Variants in NEO1 observed in about 807,000 individuals in gnomAD.
NEO1 encodes the protein neogenin 1, also known as neogenin.
Under a neutral mutation model 159.7 loss-of-function variants are expected in NEO1, and 63 were observed. The observed-to-expected ratio is 0.39, with a 90% CI of 0.32 to 0.49. The LOEUF is 0.49. NEO1 is among the 20% of genes least tolerant of loss of function. NEO1 has a pLI of 0.85. For synonymous variants in NEO1, 633 were observed against 662.0 expected (o/e 0.96, Z 0.67); for missense variants, 1,615 against 1,831.0 (o/e 0.88, Z 2.15).
intron 8 of NEO1, among the ~76,000 whole-genome samples, chr15:73,237,107 T>A (rs1383552365): frequency 2.0e-5 from 3 of 151,756 alleles, no homozygotes; most frequent in Non-Finnish European, 4.4e-5. Flanking sequence ...GAAACCAGTC[T>A]AATCACTATA....
At chr15:73,245,875 C>A (rs866132143) in intron 9 of NEO1, among the ~76,000 whole-genome samples, 8 of 152,000 alleles carry the variant, frequency 5.3e-5, no homozygotes, top group Admixed American at 4.6e-4. Context: ...GCCATCGCAC[C>A]CGGCCACCTC....
intron 1 of NEO1, among the ~76,000 whole-genome samples, chr15:73,067,744 G>C (rs2068295993): frequency 6.6e-6 from 1 of 151,738 alleles, no homozygotes; most frequent in Non-Finnish European, 1.5e-5. Flanking sequence ...AGCCTCCCAA[G>C]TAGCTGGGAC....
chr15:73,136,631 A>G (rs189433644), intron 5 of NEO1, among the ~76,000 whole-genome samples: 1 of 152,278 alleles, frequency 6.6e-6, no homozygotes, highest in East Asian at 1.9e-4. Context: ...TACTTCTGAT[A>G]ATCACTGCAA....
chr15:73,163,202 A>G (rs945371569), intron 5 of NEO1, among the ~76,000 whole-genome samples: 1 of 152,176 alleles, frequency 6.6e-6, no homozygotes, highest in Admixed American at 6.5e-5. Context: ...ACAACAAAAA[A>G]CATGTTAATC....
intron 25 of NEO1, among the ~76,000 whole-genome samples, chr15:73,289,709 A>G (rs2042088002): frequency 6.6e-6 from 1 of 152,200 alleles, no homozygotes; most frequent in African/African-American, 2.4e-5. Context: ...TTGGGAGACC[A>G]AAGTGGGAGG....
intron 7 of NEO1, among the ~76,000 whole-genome samples, chr15:73,201,891 A>G (rs899492178): frequency 2.0e-5 from 3 of 151,792 alleles, no homozygotes; most frequent in Non-Finnish European, 2.9e-5. Context: ...TAATATATCA[A>G]TATAACAATG....
chr15:73,057,644 G>A (rs1483817760), intron 1 of NEO1, among the ~76,000 whole-genome samples: 1 of 152,138 alleles, frequency 6.6e-6, no homozygotes, highest in Non-Finnish European at 1.5e-5. Context: ...CATTTAGAAT[G>A]AAGAGAGTTT....
chr15:73,122,080 T>C lies in NEO1; in HGVS notation c.449-445T>C, dbSNP rs2071691929. ...GTGTGTGTGTATATATATATATATA[T>C]ATATATATATATATACACATTATAT... On this transcript the variant is annotated intron_variant, in intron 2 of 28. Transcript: ENST00000261908. 4.4e-5 allele frequency among the ~76,000 whole-genome samples: 5 copies of C among 114,854 alleles called. No individual in the cohort carries two copies. The South Asian group carries it at 1.5e-3, about 33-fold the overall frequency. 75.3% of individuals were successfully genotyped at this position (114,854 alleles called of 152,430 possible). A position where few individuals can be genotyped will look rare whatever the true frequency, so the allele number is the denominator to read the frequency against.
intron 1 of NEO1, among the ~76,000 whole-genome samples, chr15:73,064,402 G>C (rs59537860): frequency 6.6e-6 from 1 of 151,968 alleles, no homozygotes; most frequent in East Asian, 1.9e-4. Flanking sequence ...CATTCTCATA[G>C]TTGAATTGTT....
intron 6 of NEO1, among the ~76,000 whole-genome samples, chr15:73,176,782 G>C (rs962539938): frequency 2.0e-5 from 3 of 152,146 alleles, no homozygotes; most frequent in Admixed American, 6.5e-5. Flanking sequence ...GCTTACCTAA[G>C]CCTAGAGTCT....
chr15:73,121,788 A>G (rs1351348829), intron 2 of NEO1, among the ~76,000 whole-genome samples: 1 of 152,062 alleles, frequency 6.6e-6, no homozygotes, highest in Non-Finnish European at 1.5e-5. Context: ...CCATTATCCC[A>G]GATTTAATCA....
intron 1 of NEO1, among the ~76,000 whole-genome samples, chr15:73,070,798 T>G (rs1177750993): frequency 6.6e-6 from 1 of 152,208 alleles, no homozygotes; most frequent in Non-Finnish European, 1.5e-5. Context: ...TCACAGATTA[T>G]CTAAATATTT....
intron 22 of NEO1, among the ~76,000 whole-genome samples, chr15:73,282,110 C>A (rs2041746353): frequency 6.6e-6 from 1 of 152,136 alleles, no homozygotes. Context: ...TTGTTCCTGC[C>A]TCAGGGTCCT....
At chr15:73,247,201 C>T (rs932443422) in intron 9 of NEO1, among the ~76,000 whole-genome samples, 10 of 152,174 alleles carry the variant, frequency 6.6e-5, no homozygotes, top group African/African-American at 2.4e-4. Context: ...ATTTGGATTT[C>T]ATCTGGAGGT....
chr15:73,210,639 T>G (rs2037505544), intron 7 of NEO1, among the ~76,000 whole-genome samples: 1 of 152,228 alleles, frequency 6.6e-6, no homozygotes, highest in Non-Finnish European at 1.5e-5. Context: ...GCTTGTTAGG[T>G]GTAGCCTTGA....
At chr15:73,053,476 G>C (rs1424383312) in intron 1 of NEO1, among the ~76,000 whole-genome samples, 2 of 152,202 alleles carry the variant, frequency 1.3e-5, no homozygotes, top group East Asian at 1.9e-4. Context: ...CTTTCCTGGG[G>C]ATTACAACTA....
At chr15:73,115,504 A>T (rs2071259087) in intron 1 of NEO1, among the ~76,000 whole-genome samples, 1 of 152,200 alleles carries the variant, frequency 6.6e-6, no homozygotes, top group African/African-American at 2.4e-5. Context: ...GTGTTTGTTC[A>T]TTATATAATA....
chr15:73,100,279 A>C (rs913376711), intron 1 of NEO1, among the ~76,000 whole-genome samples: 4 of 151,584 alleles, frequency 2.6e-5, no homozygotes, highest in Admixed American at 2.0e-4. Context: ...TATCCATCTC[A>C]GTTCAGTCCT....
At chr15:73,128,412 C>G (rs1383463739) in intron 4 of NEO1, among the ~76,000 whole-genome samples, 1 of 152,084 alleles carries the variant, frequency 6.6e-6, no homozygotes, top group Non-Finnish European at 1.5e-5. Flanking sequence ...AAGGGACATT[C>G]TGAAGATATA....
Sources: allele counts gnomAD v4.1 joint callset (sites outside exome capture counted in the v4.1 genomes callset), GRCh38; gene constraint gnomAD v4.1.1; transcripts MANE v1.5; gene names NCBI Gene and HGNC (gene_info 2026-07-23, HGNC 2026-07-21).